Variants in NEDD9 observed in about 807,000 individuals in gnomAD.
NEDD9 encodes the protein enhancer of filamentation 1.
Under a neutral mutation model 76.6 loss-of-function variants are expected in NEDD9, and 26 were observed. The ratio of observed to expected loss-of-function variants is 0.34; its 90% CI spans 0.25 to 0.47. The LOEUF (loss-of-function observed/expected upper bound fraction) is 0.47. Among genes scored for constraint, NEDD9 ranks in the 20% least tolerant of loss-of-function variants. The pLI, the probability that NEDD9 is intolerant of heterozygous loss-of-function variation, is 1.00. For synonymous variants in NEDD9, 392 were observed against 414.2 expected (o/e 0.95, Z 0.65); for missense variants, 937 against 1,058.5 (o/e 0.89, Z 1.59).
intron 1 of NEDD9, among the ~76,000 whole-genome samples, chr6:11,359,577 G>A (rs1001285487): frequency 1.3e-5 from 2 of 152,160 alleles, no homozygotes; most frequent in African/African-American, 4.8e-5. Context: ...CTTCACTTTT[G>A]CCCCACATTC....
At chr6:11,233,057 C>A (rs1162854440), upstream of NEDD9, among the ~76,000 whole-genome samples, 1 of 152,148 alleles carries the variant, frequency 6.6e-6, no homozygotes, top group Non-Finnish European at 1.5e-5. Context: ...AAGCCATTCA[C>A]CTCACAATCT....
intron 3 of NEDD9, chr6:11,305,404 G>T (rs1761155835): frequency 3.8e-6 from 1 of 259,976 alleles, no homozygotes; most frequent in Non-Finnish European, 7.6e-6. Context: ...ATGCCACTAT[G>T]CCATGCGATG....
intron 2 of NEDD9, among the ~76,000 whole-genome samples, chr6:11,330,897 G>C (rs1157276700): frequency 2.6e-5 from 4 of 152,138 alleles, no homozygotes. Context: ...ACTGCTTTAG[G>C]GTCTGAGTAT....
intron 6 of NEDD9, among the ~76,000 whole-genome samples, chr6:11,185,926 T>C (rs760178517): frequency 2.8e-4 from 42 of 152,232 alleles, no homozygotes; most frequent in Non-Finnish European, 4.8e-4. Context: ...GAAGGTAGCA[T>C]AGTGTTTAAA....
At position 11,307,140 on chromosome 6, in the gene NEDD9, A is replaced by T. The variant is rs117030224; in HGVS notation, c.-152-985T>A. On this transcript the variant is annotated intron_variant, in intron 2 of 3. Transcript: ENST00000397378. ...AAAGGGGAAGCAGAAAAATAAGAAG[A>T]GTGTCTGGCACATAATAGAAGCTCA... Among the ~76,000 whole-genome samples, 623 of 152,304 alleles carry T rather than the reference A, an allele frequency of 4.1e-3. 6 individuals carry two copies. In the East Asian group the frequency reaches 0.053, roughly 13 times the overall value.
chr6:11,366,298 A>AAG (rs1439789755), intron 1 of NEDD9, among the ~76,000 whole-genome samples: 2 of 94,924 alleles, frequency 2.1e-5, no homozygotes, highest in East Asian at 2.7e-4. Context: ...AAGGAAGGAA[A>AAG]GAAAGAAAGA....
At chr6:11,318,503 G>C (rs1561831896) in intron 2 of NEDD9, among the ~76,000 whole-genome samples, 1 of 152,076 alleles carries the variant, frequency 6.6e-6, no homozygotes, top group Non-Finnish European at 1.5e-5. Flanking sequence ...TACATAATTA[G>C]AATTCACCTT....
intron 3 of NEDD9, among the ~76,000 whole-genome samples, chr6:11,284,737 T>A (rs1760612092): frequency 6.6e-6 from 1 of 150,976 alleles, no homozygotes; most frequent in South Asian, 2.1e-4. Context: ...TTCCAAATAC[T>A]ATGTTAAGTG....
Position 11,305,209 on chromosome 6 carries a change from C to T in NEDD9, c.12+783G>A, listed in dbSNP as rs1043501070. 31 of 1,164,220 alleles carry T rather than the reference C, an allele frequency of 2.7e-5. No individual in the cohort carries two copies. In the Admixed American group the frequency reaches 5.7e-4, roughly 21 times the overall value. 72.1% of individuals were successfully genotyped at this position (1,164,220 alleles called of 1,614,324 possible). On this transcript the variant is annotated intron_variant, in intron 3 of 3. Transcript: ENST00000397378. ...GATCTCAATAGATAAGGGAATTTACCTTTTTTCATTTTGAGCATGAGTTAC... is the reference window on the plus strand; with the variant it reads ...GATCTCAATAGATAAGGGAATTTACTTTTTTTCATTTTGAGCATGAGTTAC...
intron 1 of NEDD9, among the ~76,000 whole-genome samples, chr6:11,225,819 T>TA (rs1396240693): frequency 1.5e-5 from 2 of 131,400 alleles, no homozygotes; most frequent in African/African-American, 5.4e-5. Context: ...TTTTTTTTTT[T>TA]AAAGAATAAC....
At chr6:11,349,082 A>C (rs188820354) in intron 1 of NEDD9, among the ~76,000 whole-genome samples, 7 of 152,336 alleles carry the variant, frequency 4.6e-5, no homozygotes, top group African/African-American at 1.7e-4. Flanking sequence ...TTACAAGAAA[A>C]AACAACGCCA....
Position 11,300,631 on chromosome 6 carries a change from C to A in NEDD9, c.12+5361G>T, listed in dbSNP as rs376572840. On this transcript the variant is annotated intron_variant, in intron 3 of 3. Coordinates refer to the NEDD9 transcript ENST00000397378. ...CCAGAGAGAAAGGTCGGGTTACCCACAAAGGGAAGCCCATCAGACTAACAG... is the reference window on the plus strand; with the variant it reads ...CCAGAGAGAAAGGTCGGGTTACCCAAAAAGGGAAGCCCATCAGACTAACAG... 2.6e-5 allele frequency among the ~76,000 whole-genome samples: 4 copies of A among 152,176 alleles called. No homozygotes were observed. The East Asian group carries it at 7.7e-4, about 29-fold the overall frequency.
Position 11,185,370 on chromosome 6 carries a change from T to G in NEDD9, c.2297A>C (p.Gln766Pro). ...GTTGCGAATGTCCTGGGCAGTCACC[T>G]GCCGTGTCAGCGTGTCTCCAATGAA... ...LVFIGDTLTR[Q>P]VTAQDIRNKV... Residue 766 changes from glutamine to proline, a missense_variant, in exon 7 of 7, where the codon CAG becomes CCG. Transcript: ENST00000379446. 6.2e-7 allele frequency: 1 copy of G among 1,614,258 alleles called. No individual in the cohort carries two copies. Among genetic ancestry groups the G allele is most frequent in the Non-Finnish European group, 8.5e-7 (1 of 1,180,046 alleles).
At chr6:11,238,805 C>T (rs868151297) in intron 3 of NEDD9, among the ~76,000 whole-genome samples, 1 of 152,180 alleles carries the variant, frequency 6.6e-6, no homozygotes, top group East Asian at 1.9e-4. Flanking sequence ...GCTTAGGCCT[C>T]TCTCCTTTAA....
At chr6:11,200,669 T>C in intron 2 of NEDD9, 1 of 1,230,044 alleles carries the variant, frequency 8.1e-7, no homozygotes, top group Non-Finnish European at 1.0e-6. Context: ...TTTAGGAATG[T>C]ATAGTGCTCA....
chr6:11,286,044 A>T (rs1410695069), intron 3 of NEDD9, among the ~76,000 whole-genome samples: 1 of 152,206 alleles, frequency 6.6e-6, no homozygotes, highest in Non-Finnish European at 1.5e-5. Context: ...TTGTTATTAG[A>T]CTAAGAAGAC....
Position 11,209,975 on chromosome 6 carries a change from T to TTTTTTTTTGTTTG in NEDD9, c.459+3305_459+3306insCAAACAAAAAAAA, listed in dbSNP as rs1167935311. Among the ~76,000 whole-genome samples the TTTTTTTTTGTTTG allele has an allele frequency of 5.3e-5, 8 of 150,458 alleles. No individual in the cohort carries two copies. In the East Asian group the frequency reaches 9.9e-4, roughly 19 times the overall value. On this transcript the variant is annotated intron_variant, in intron 2 of 6. Coordinates refer to ENST00000379446, the MANE Select transcript of NEDD9 (RefSeq NM_006403.4). ...TAGAAGGCAGAATTCACTGTCTTTT[T>TTTTTTTTTGTTTG]TTTTTCCTTAAGTGATTCATTAGTA...
chr6:11,287,089 T>TGTA (rs1337430248), intron 3 of NEDD9, among the ~76,000 whole-genome samples: 1 of 152,194 alleles, frequency 6.6e-6, no homozygotes, highest in African/African-American at 2.4e-5. Flanking sequence ...TTTCAGTATG[T>TGTA]GTAGTTTATC....
chr6:11,200,566 G>A (rs1758418359), intron 2 of NEDD9: 5 of 1,084,806 alleles, frequency 4.6e-6, no homozygotes, highest in South Asian at 2.7e-5. Context: ...AGATCTCAAG[G>A]CTGTTTCCTT....
Sources: gnomAD v4.1 joint callset for allele counts (sites outside exome capture counted in the v4.1 genomes callset) on GRCh38, gnomAD v4.1.1 for gene constraint, MANE v1.5 for transcripts, NCBI Gene and HGNC (gene_info 2026-07-23, HGNC 2026-07-21) for gene names.